The following MGA variants were observed in gnomAD, a reference collection of about 807,000 sequenced individuals.
MGA encodes the protein MAX gene-associated protein.
MGA carries 40 observed loss-of-function variants against 261.1 expected under a neutral mutation model. The observed-to-expected ratio is 0.15, with a 90% confidence interval of 0.12 to 0.20. MGA has a LOEUF of 0.20. Ranked by LOEUF, MGA falls within the 10% of genes least tolerant of loss-of-function variation. The pLI, the probability that MGA is intolerant of heterozygous loss-of-function variation, is 1.00. For synonymous variants in MGA, 1,302 were observed against 1,290.6 expected (o/e 1.01, Z -0.19); for missense variants, 3,397 against 3,630.5 (o/e 0.94, Z 1.65).
At chr15:41,707,041 A>G (rs1050290187) in intron 5 of MGA, among the ~76,000 whole-genome samples, 1 of 152,230 alleles carries the variant, frequency 6.6e-6, no homozygotes, top group Non-Finnish European at 1.5e-5. Flanking sequence ...ACCAGTAGCC[A>G]TAATCAGGCC....
intron 5 of MGA, among the ~76,000 whole-genome samples, chr15:41,702,245 C>T (rs1595785517): frequency 6.6e-6 from 1 of 151,710 alleles, no homozygotes; most frequent in East Asian, 1.9e-4. Context: ...TGCTTGAAAA[C>T]CCGGGAGGCG....
intron 17 of MGA, among the ~76,000 whole-genome samples, chr15:41,753,054 G>C (rs1321569964): frequency 2.6e-5 from 4 of 152,200 alleles, no homozygotes; most frequent in African/African-American, 9.7e-5. Flanking sequence ...TGTGAGGGAA[G>C]TTGTAAATAG....
intron 13 of MGA, among the ~76,000 whole-genome samples, chr15:41,739,218 G>T (rs1253142520): frequency 6.6e-6 from 1 of 152,126 alleles, no homozygotes; most frequent in Non-Finnish European, 1.5e-5. Context: ...CAGCAGAGGG[G>T]ATCTTTACTT....
At chr15:41,747,144 T>C (rs560961423) in intron 15 of MGA, among the ~76,000 whole-genome samples, 68 of 152,316 alleles carry the variant, frequency 4.5e-4, no homozygotes, top group Non-Finnish European at 4.4e-5. Flanking sequence ...TTTAAAAACA[T>C]CTTTTGCCTC....
intron 22 of MGA, among the ~76,000 whole-genome samples, chr15:41,763,356 C>T (rs1051201580): frequency 1.3e-5 from 2 of 151,584 alleles, no homozygotes; most frequent in African/African-American, 2.4e-5. Flanking sequence ...CCACCTCGGC[C>T]TCCCAAAGTG....
chr15:41,674,527 A>T (rs1029703842), intron 2 of MGA, among the ~76,000 whole-genome samples: 47 of 147,406 alleles, frequency 3.2e-4, no homozygotes, highest in Non-Finnish European at 6.2e-4. Context: ...TTTTATTTTT[A>T]TTTTTTTTTT....
At chr15:41,740,712 C>T (rs1432723953) in intron 14 of MGA, among the ~76,000 whole-genome samples, 2 of 152,134 alleles carry the variant, frequency 1.3e-5, no homozygotes, top group East Asian at 3.8e-4. Context: ...ACTTCTTAAA[C>T]TTATGAAACC....
At chr15:41,726,191 G>T (rs1260830264) in intron 9 of MGA, among the ~76,000 whole-genome samples, 1 of 152,098 alleles carries the variant, frequency 6.6e-6, no homozygotes, top group African/African-American at 2.4e-5. Flanking sequence ...GGTCTCTGGA[G>T]CCAGATAGAC....
intron 15 of MGA, among the ~76,000 whole-genome samples, chr15:41,747,174 C>G (rs2062551847): frequency 6.6e-6 from 1 of 152,082 alleles, no homozygotes; most frequent in Non-Finnish European, 1.5e-5. Flanking sequence ...AGGTTTATTT[C>G]CCTGCTTCTT....
chr15:41,681,438 A>T lies in MGA; in HGVS notation c.1064+11480A>T, dbSNP rs534664880. On this transcript the variant is annotated intron_variant, in intron 2 of 23. Coordinates refer to ENST00000219905, the MANE Select transcript of MGA (RefSeq NM_001164273.2). ...TTAATTCTGTTAGTGTCATTATCAT[A>T]ATTTTTGGTCAACTAATTTTTCTTT... is the stretch of plus-strand genomic sequence containing the variant. Among the ~76,000 whole-genome samples, 11 of 143,854 alleles carry T rather than the reference A, an allele frequency of 7.6e-5. No homozygotes were observed. In the South Asian group the frequency reaches 2.4e-3, roughly 32 times the overall value. The allele number at this position is 143,854 out of a possible 152,430, so 94.4% of individuals were successfully genotyped here.
In MGA at chr15:41,750,031, T is replaced by C; in HGVS notation, c.6424T>C (p.Leu2142=). 6.2e-7 allele frequency: 1 copy of C among 1,613,156 alleles called. No homozygotes were observed. The highest frequency in any genetic ancestry group is 8.5e-7 in the Non-Finnish European group (1 of 1,179,638). ...CTTTAAGGAAGAAAGTAAATTTGAATTGTCAGGAAGCAAAGTTATGGAGCA... is the reference window on the plus strand; with the variant it reads ...CTTTAAGGAAGAAAGTAAATTTGAACTGTCAGGAAGCAAAGTTATGGAGCA... Residue 2142 remains leucine, a synonymous_variant, in exon 17 of 24, where the codon TTG becomes CTG. Coordinates refer to ENST00000219905, the MANE Select transcript of MGA (RefSeq NM_001164273.2).
At chr15:41,676,681 C>A (rs1285280224) in intron 2 of MGA, among the ~76,000 whole-genome samples, 1 of 152,064 alleles carries the variant, frequency 6.6e-6, no homozygotes, top group South Asian at 2.1e-4. Context: ...TTAGCCACTA[C>A]AAATAATGCT....
At chr15:41,649,215 C>T (rs1391177370) in intron 1 of MGA, among the ~76,000 whole-genome samples, 1 of 151,866 alleles carries the variant, frequency 6.6e-6, no homozygotes, top group African/African-American at 2.4e-5. Flanking sequence ...AACTTCGTCT[C>T]TACTGAAAAT....
At chr15:41,680,116 G>A (rs775936481) in intron 2 of MGA, among the ~76,000 whole-genome samples, 1 of 152,210 alleles carries the variant, frequency 6.6e-6, no homozygotes, top group African/African-American at 2.4e-5. Flanking sequence ...ATAGCTTTAT[G>A]ATGGTAACTG....
intron 1 of MGA, among the ~76,000 whole-genome samples, chr15:41,643,535 T>A (rs1047769540): frequency 2.6e-5 from 4 of 151,990 alleles, no homozygotes; most frequent in African/African-American, 9.7e-5. Flanking sequence ...CCACTGCGCC[T>A]GGCCCTGGCT....
At chr15:41,675,146 T>C (rs1446301074) in intron 2 of MGA, among the ~76,000 whole-genome samples, 1 of 152,218 alleles carries the variant, frequency 6.6e-6, no homozygotes, top group African/African-American at 2.4e-5. Context: ...TAGTTTCTTT[T>C]TGTTACATGT....
At chr15:41,706,105 CACACGCCTGTAA>C in intron 5 of MGA, among the ~76,000 whole-genome samples, 2 of 151,880 alleles carry the variant, frequency 1.3e-5, no homozygotes, top group African/African-American at 4.8e-5. Flanking sequence ...GGCCTGGTGG[CACACGCCTGTAA>C]TCCCAGCTAC....
chr15:41,711,918 G>T (rs2060407890), intron 8 of MGA, among the ~76,000 whole-genome samples: 1 of 151,976 alleles, frequency 6.6e-6, no homozygotes, highest in Non-Finnish European at 1.5e-5. Flanking sequence ...CTGGTCTCGA[G>T]CTCCTGACCT....
chr15:41,743,791 A>G (rs1333778952), intron 15 of MGA, among the ~76,000 whole-genome samples: 1 of 152,248 alleles, frequency 6.6e-6, no homozygotes, highest in Non-Finnish European at 1.5e-5. Context: ...ACTGATTGAA[A>G]TAGAAACAAG....
Sources: allele counts gnomAD v4.1 joint callset (sites outside exome capture counted in the v4.1 genomes callset), GRCh38; gene constraint gnomAD v4.1.1; transcripts MANE v1.5; gene names NCBI Gene and HGNC (gene_info 2026-07-23, HGNC 2026-07-21).